Variants in OLFML1 observed in about 807,000 individuals in gnomAD.
OLFML1 encodes olfactomedin like 1.
In OLFML1, 33 loss-of-function variants were observed where a neutral mutation model predicts 37.3. The observed-to-expected ratio is 0.88, with a 90% CI of 0.67 to 1.18. The LOEUF (loss-of-function observed/expected upper bound fraction) is 1.18. Ranked by LOEUF, OLFML1 falls within the 50% of genes most tolerant of loss-of-function variation. OLFML1 has a pLI of 0.00. For synonymous variants in OLFML1, 186 were observed against 181.3 expected (o/e 1.03, Z -0.21); for missense variants, 545 against 483.7 (o/e 1.13, Z -1.19).
At chr11:7,500,517 C>A (rs1438183848) in intron 2 of OLFML1, among the ~76,000 whole-genome samples, 1 of 152,290 alleles carries the variant, frequency 6.6e-6, no homozygotes, top group East Asian at 1.9e-4. Context: ...GCTCAGAGGA[C>A]CCCATCCCCA....
At chr11:7,500,138 C>G (rs1848703650) in intron 2 of OLFML1, among the ~76,000 whole-genome samples, 1 of 152,204 alleles carries the variant, frequency 6.6e-6, no homozygotes, top group Non-Finnish European at 1.5e-5. Flanking sequence ...AGGGATCCTC[C>G]CACCTCAGCC....
At chr11:7,493,498 G>A (rs57905413) in intron 2 of OLFML1, among the ~76,000 whole-genome samples, 1 of 152,346 alleles carries the variant, frequency 6.6e-6, no homozygotes, top group African/African-American at 2.4e-5. Context: ...AAATGCAGGT[G>A]TAAGTACAGG....
chr11:7,506,309 A>C (rs1848785216), intron 2 of OLFML1, among the ~76,000 whole-genome samples: 1 of 152,252 alleles, frequency 6.6e-6, no homozygotes, highest in Non-Finnish European at 1.5e-5. Context: ...GGATGAGATC[A>C]CAGTACAAGT....
chr11:7,500,594 T>C (rs1848709402), intron 2 of OLFML1, among the ~76,000 whole-genome samples: 1 of 152,176 alleles, frequency 6.6e-6, no homozygotes, highest in South Asian at 2.1e-4. Context: ...ATTTGGAAAA[T>C]GGGGATTAAA....
chr11:7,495,886 G>A (rs903104448), intron 2 of OLFML1, among the ~76,000 whole-genome samples: 2 of 152,090 alleles, frequency 1.3e-5, no homozygotes, highest in African/African-American at 2.4e-5. Context: ...GTCACATACA[G>A]AAGTATGCAC....
Position 7,488,266 on chromosome 11 carries a change from T to C in OLFML1, c.269T>C (p.Leu90Pro). 2.5e-6 allele frequency: 4 copies of C among 1,614,020 alleles called. No individual in the cohort carries two copies. The highest frequency in any genetic ancestry group is 3.4e-6 in the Non-Finnish European group (4 of 1,179,954). Residue 90 changes from leucine (L) to proline (P), a missense_variant, in exon 2 of 3, where the codon CTG (leucine) becomes CCG (proline). Transcript: ENST00000329293. ...EYKSAVGNLA[L>P]RVERAQREID... ...AAGAGTGCAGTGGGTAACTTGGCAC[T>C]GAGAGTTGAACGTGCCCAACGGGAG...
chr11:7,491,378 T>C (rs1426692516), intron 2 of OLFML1, among the ~76,000 whole-genome samples: 1 of 152,168 alleles, frequency 6.6e-6, no homozygotes, highest in Non-Finnish European at 1.5e-5. Context: ...TTTTCTGCAT[T>C]CACAGAGCCT....
At chr11:7,506,118 C>A (rs892255735) in intron 2 of OLFML1, among the ~76,000 whole-genome samples, 4 of 152,040 alleles carry the variant, frequency 2.6e-5, no homozygotes, top group African/African-American at 9.7e-5. Context: ...GAGAAGCTGG[C>A]TATAAAATGA....
At chr11:7,495,160 T>C (rs1848647353) in intron 2 of OLFML1, among the ~76,000 whole-genome samples, 1 of 152,142 alleles carries the variant, frequency 6.6e-6, no homozygotes, top group South Asian at 2.1e-4. Context: ...CCTGCACTGC[T>C]CTCTCACCAT....
chr11:7,492,217 G>T (rs1848607005), intron 2 of OLFML1, among the ~76,000 whole-genome samples: 1 of 152,128 alleles, frequency 6.6e-6, no homozygotes, highest in East Asian at 1.9e-4. Flanking sequence ...CCTTCTTCCT[G>T]GAAGACTCTG....
chr11:7,493,418 C>G (rs942707112), intron 2 of OLFML1, among the ~76,000 whole-genome samples: 1 of 152,152 alleles, frequency 6.6e-6, no homozygotes, highest in African/African-American at 2.4e-5. Flanking sequence ...ATGAGTGGAA[C>G]AAAATATTAA....
Position 7,510,290 on chromosome 11 carries a change from C to CTCTTCCTGTGTGTG in OLFML1, c.*102_*103insTCTTCCTGTGTGTG. 1.1e-6 allele frequency: 1 copy of CTCTTCCTGTGTGTG among 923,042 alleles called. No homozygotes were observed. The highest frequency in any genetic ancestry group is 1.6e-6 in the Non-Finnish European group (1 of 628,190). 57.2% of individuals were successfully genotyped at this position (923,042 alleles called of 1,614,324 possible). A position where few individuals can be genotyped will look rare whatever the true frequency, so the allele number is the denominator to read the frequency against. ...AATATAGTATCCCTCTAATCACACA[C>CTCTTCCTGTGTGTG]AGGAAGAGTGTGTAGAAGTGGAAAT... On this transcript the variant is annotated 3_prime_UTR_variant, in exon 3 of 3. Transcript: ENST00000329293.
intron 2 of OLFML1, among the ~76,000 whole-genome samples, chr11:7,491,953 G>T (rs1245816770): frequency 6.6e-6 from 1 of 152,106 alleles, no homozygotes; most frequent in Non-Finnish European, 1.5e-5. Context: ...ATTTCCTATT[G>T]ATAACTTCAA....
intron 2 of OLFML1, among the ~76,000 whole-genome samples, chr11:7,502,234 A>C (rs899319237): frequency 1.8e-4 from 27 of 152,240 alleles, no homozygotes; most frequent in Non-Finnish European, 3.2e-4. Flanking sequence ...ATCTGAAGAC[A>C]ACCAATGTAA....
At chr11:7,508,654 C>T (rs1848814161) in intron 2 of OLFML1, among the ~76,000 whole-genome samples, 1 of 152,168 alleles carries the variant, frequency 6.6e-6, no homozygotes, top group Non-Finnish European at 1.5e-5. Flanking sequence ...TTGTAGGTAT[C>T]CAGTGTCTGC....
intron 2 of OLFML1, among the ~76,000 whole-genome samples, chr11:7,501,361 C>T (rs1220585122): frequency 6.6e-6 from 1 of 152,172 alleles, no homozygotes; most frequent in Non-Finnish European, 1.5e-5. Context: ...CTCCACATTC[C>T]CCAGGGCTTT....
At chr11:7,492,190 C>T (rs922296341) in intron 2 of OLFML1, among the ~76,000 whole-genome samples, 2 of 151,830 alleles carry the variant, frequency 1.3e-5, no homozygotes, top group Non-Finnish European at 2.9e-5. Context: ...GCTGGTGCTA[C>T]TAATTACCTG....
intron 2 of OLFML1, among the ~76,000 whole-genome samples, chr11:7,500,239 AAT>A (rs1848704431): frequency 1.3e-5 from 2 of 152,290 alleles, no homozygotes; most frequent in Admixed American, 1.3e-4. Context: ...ATGAGACATT[AAT>A]ATGCCTTGCT....
At chr11:7,508,605 T>C (rs1848812955) in intron 2 of OLFML1, among the ~76,000 whole-genome samples, 3 of 152,352 alleles carry the variant, frequency 2.0e-5, no homozygotes, top group Admixed American at 1.3e-4. Flanking sequence ...TTTATGCTCA[T>C]AACCCCAGCT....
Sources: gnomAD v4.1 joint callset for allele counts (sites outside exome capture counted in the v4.1 genomes callset) on GRCh38, gnomAD v4.1.1 for gene constraint, MANE v1.5 for transcripts, NCBI Gene and HGNC (gene_info 2026-07-23, HGNC 2026-07-21) for gene names.